SPATA17: variants seen among roughly 807,000 people sequenced by gnomAD.
The protein encoded by SPATA17 is spermatogenesis associated 17, also known as spermatogenesis-associated protein 17.
SPATA17 carries 53 observed loss-of-function variants against 62.2 expected under a neutral mutation model. The ratio of observed to expected loss-of-function variants is 0.85; its 90% CI spans 0.68 to 1.07. The LOEUF is 1.07. Ranked by LOEUF, SPATA17 falls within the 50% of genes least tolerant of loss-of-function variation. The pLI, the probability that SPATA17 is intolerant of heterozygous loss-of-function variation, is 0.00. For synonymous variants in SPATA17, 146 were observed against 146.8 expected (o/e 0.99, Z 0.04); for missense variants, 466 against 425.5 (o/e 1.10, Z -0.84).
intron 6 of SPATA17, among the ~76,000 whole-genome samples, chr1:217,746,733 T>G (rs1224798046): frequency 6.6e-6 from 1 of 152,006 alleles, no homozygotes; most frequent in Non-Finnish European, 1.5e-5. Context: ...TTATCTCATC[T>G]TTATTCAAGC....
chr1:217,729,497 G>A (rs570218966), intron 5 of SPATA17, among the ~76,000 whole-genome samples: 5 of 152,074 alleles, frequency 3.3e-5, no homozygotes, highest in Admixed American at 3.3e-4. Context: ...TTCTTTTATA[G>A]TAAAGTCTAT....
intron 3 of SPATA17, among the ~76,000 whole-genome samples, chr1:217,653,691 T>C (rs1023818010): frequency 1.3e-5 from 2 of 151,946 alleles, no homozygotes; most frequent in African/African-American, 2.4e-5. Context: ...GAAGGAAGTG[T>C]TGTAGATGCT....
At chr1:217,687,611 G>A (rs1671246680) in intron 5 of SPATA17, among the ~76,000 whole-genome samples, 1 of 152,104 alleles carries the variant, frequency 6.6e-6, no homozygotes. Flanking sequence ...GCATCATGCT[G>A]TACAGGTTTG....
chr1:217,843,160 A>C (rs1036633438), intron 9 of SPATA17, among the ~76,000 whole-genome samples: 61 of 152,136 alleles, frequency 4.0e-4, no homozygotes, highest in African/African-American at 1.2e-3. Context: ...AAATGTTTCA[A>C]GTACATTAAA....
intron 8 of SPATA17, among the ~76,000 whole-genome samples, chr1:217,792,571 C>T (rs776261659): frequency 6.6e-6 from 1 of 152,184 alleles, no homozygotes; most frequent in Non-Finnish European, 1.5e-5. Flanking sequence ...AACCTTCCAG[C>T]TCTAGAACCC....
chr1:217,821,262 C>A (rs561791875), intron 9 of SPATA17, among the ~76,000 whole-genome samples: 7 of 151,938 alleles, frequency 4.6e-5, no homozygotes, highest in Non-Finnish European at 8.8e-5. Flanking sequence ...AGAGTGGGAA[C>A]ACAGAATAAG....
chr1:217,780,139 A>G (rs953873683), intron 7 of SPATA17, among the ~76,000 whole-genome samples: 1 of 152,076 alleles, frequency 6.6e-6, no homozygotes, highest in Non-Finnish European at 1.5e-5. Context: ...TATATTTACA[A>G]AACCTGGGTT....
chr1:217,770,709 A>G (rs1473866506), intron 6 of SPATA17, among the ~76,000 whole-genome samples: 1 of 152,154 alleles, frequency 6.6e-6, no homozygotes, highest in East Asian at 1.9e-4. Context: ...TTCTTTTCAA[A>G]TCAATTGTAC....
intron 9 of SPATA17, among the ~76,000 whole-genome samples, chr1:217,809,207 TG>T (rs1252937887): frequency 1.4e-4 from 21 of 152,158 alleles, no homozygotes; most frequent in Non-Finnish European, 2.4e-4. Flanking sequence ...ATTTTTTTTT[TG>T]TTTGCAGCTA....
intron 9 of SPATA17, among the ~76,000 whole-genome samples, chr1:217,860,702 G>T (rs957340484): frequency 1.3e-5 from 2 of 151,966 alleles, no homozygotes; most frequent in Non-Finnish European, 2.9e-5. Flanking sequence ...ATATCTTTCT[G>T]CATCTCTTTA....
chr1:217,770,133 C>G (rs1673403015), intron 6 of SPATA17, among the ~76,000 whole-genome samples: 1 of 152,148 alleles, frequency 6.6e-6, no homozygotes, highest in Admixed American at 6.5e-5. Context: ...CTACTCTTCC[C>G]TACTGGCTTA....
intron 9 of SPATA17, among the ~76,000 whole-genome samples, chr1:217,852,870 C>A (rs1675696697): frequency 6.6e-6 from 1 of 152,094 alleles, no homozygotes; most frequent in South Asian, 2.1e-4. Context: ...TTCCTGACCA[C>A]CTGATTTGAA....
intron 1 of SPATA17, among the ~76,000 whole-genome samples, chr1:217,637,947 C>A (rs1669976670): frequency 6.6e-6 from 1 of 152,048 alleles, no homozygotes; most frequent in Non-Finnish European, 1.5e-5. Context: ...GTTTTCTCAT[C>A]TGTAACAGGG....
At chr1:217,735,861 A>G (rs1350039429) in intron 5 of SPATA17, among the ~76,000 whole-genome samples, 1 of 151,928 alleles carries the variant, frequency 6.6e-6, no homozygotes, top group African/African-American at 2.4e-5. Context: ...ATTATGGTGA[A>G]CAAAGCATTT....
Position 217,671,367 on chromosome 1 carries a change from C to T in SPATA17, c.291+2284C>T, listed in dbSNP as rs75310975. Among the ~76,000 whole-genome samples the T allele has an allele frequency of 8.1e-3, 1,236 of 152,310 alleles. 10 individuals carry two copies. Among genetic ancestry groups the T allele is most frequent in the African/African-American group, 0.027 (1,106 of 41,574 alleles). ...GTCATGCCACCCTCTTATCCCACTT[C>T]TCCACCTCAGATTCCTTCTAGCCTT... On this transcript the variant is annotated intron_variant, in intron 4 of 10. Coordinates refer to ENST00000366933, the MANE Select transcript of SPATA17 (RefSeq NM_138796.4).
chr1:217,866,036 G>T (rs1290369150), intron 10 of SPATA17, among the ~76,000 whole-genome samples: 3 of 152,156 alleles, frequency 2.0e-5, no homozygotes, highest in African/African-American at 7.2e-5. Flanking sequence ...TGGGAAAGGG[G>T]TTAAATGCCA....
intron 9 of SPATA17, among the ~76,000 whole-genome samples, chr1:217,831,456 T>C (rs1270739350): frequency 1.3e-5 from 2 of 152,136 alleles, no homozygotes; most frequent in Admixed American, 1.3e-4. Flanking sequence ...TTATGCCAAA[T>C]ACTAGGGAAG....
At chr1:217,657,150 C>A (rs1670463608) in intron 3 of SPATA17, among the ~76,000 whole-genome samples, 1 of 152,118 alleles carries the variant, frequency 6.6e-6, no homozygotes, top group Non-Finnish European at 1.5e-5. Flanking sequence ...GAATTTTTAC[C>A]AGAGCTGATA....
At chr1:217,704,497 G>A (rs943504345) in intron 5 of SPATA17, among the ~76,000 whole-genome samples, 1 of 150,956 alleles carries the variant, frequency 6.6e-6, no homozygotes, top group Admixed American at 6.6e-5. Flanking sequence ...TGATCCACCC[G>A]CCTCGGCCTC....
Sources: gnomAD v4.1 joint callset for allele counts (sites outside exome capture counted in the v4.1 genomes callset) on GRCh38, gnomAD v4.1.1 for gene constraint, MANE v1.5 for transcripts, NCBI Gene and HGNC (gene_info 2026-07-23, HGNC 2026-07-21) for gene names.